Variants in MYT1L observed in about 807,000 individuals in gnomAD.
MYT1L encodes the protein myelin transcription factor 1-like protein.
In MYT1L, 12 loss-of-function variants were observed where a neutral mutation model predicts 126.7. The ratio of observed to expected loss-of-function variants is 0.09; its 90% CI spans 0.06 to 0.15. The LOEUF (loss-of-function observed/expected upper bound fraction) is 0.15, where lower values mean the gene tolerates loss of function less well. MYT1L is among the 10% of genes least tolerant of loss of function. The pLI is 1.00. For missense variants in MYT1L, 979 were observed against 1,585.2 expected, an observed-to-expected ratio of 0.62 and a Z score of 6.49; for synonymous variants, 541 against 604.2, an observed-to-expected ratio of 0.90 and a Z score of 1.53.
At chr2:1,901,398 C>G (rs953750599) in intron 14 of MYT1L, among the ~76,000 whole-genome samples, 1 of 152,172 alleles carries the variant, frequency 6.6e-6, no homozygotes, top group African/African-American at 2.4e-5. Flanking sequence ...TGATCCTTCA[C>G]TTGTAGATGA....
chr2:2,011,440 A>C (rs976518343), intron 4 of MYT1L, among the ~76,000 whole-genome samples: 5 of 151,302 alleles, frequency 3.3e-5, no homozygotes, highest in African/African-American at 9.7e-5. Context: ...AAAAAAAAAA[A>C]CTGTAACTAT....
chr2:2,248,267 T>A (rs775547091), intron 2 of MYT1L, among the ~76,000 whole-genome samples: 1 of 151,978 alleles, frequency 6.6e-6, no homozygotes, highest in African/African-American at 2.4e-5. Context: ...TACCAATAAA[T>A]TGGAAAATCT....
At chr2:2,137,824 C>T (rs1229932727) in intron 3 of MYT1L, among the ~76,000 whole-genome samples, 1 of 152,082 alleles carries the variant, frequency 6.6e-6, no homozygotes, top group Admixed American at 6.6e-5. Context: ...GTAACAAAAG[C>T]CACAATTGAC....
intron 2 of MYT1L, among the ~76,000 whole-genome samples, chr2:2,245,315 T>A (rs2094513613): frequency 6.6e-6 from 1 of 151,942 alleles, no homozygotes; most frequent in Non-Finnish European, 1.5e-5. Flanking sequence ...TGCTGAGCCC[T>A]GTAGAGTCCT....
intron 20 of MYT1L, among the ~76,000 whole-genome samples, chr2:1,840,311 A>C (rs1216240298): frequency 6.6e-6 from 1 of 152,158 alleles, no homozygotes; most frequent in Non-Finnish European, 1.5e-5. Context: ...CTCCAAGCTC[A>C]GTGTCCACTG....
rs201163506 is a variant in MYT1L at position 2,180,738 on chromosome 2, CTG to C, written c.-420-7752_-420-7751del. Reference sequence around the variant, plus strand: ...TGTACCTGTGTGCCTGCATGTGTGCCTGTGTGTGTGCTTGTGCATGTACCTGT... The same window carrying C: ...TGTACCTGTGTGCCTGCATGTGTGCCTGTGTGTGCTTGTGCATGTACCTGT... On this transcript the variant is annotated intron_variant, in intron 2 of 24. Coordinates refer to ENST00000647738, the MANE Select transcript of MYT1L (RefSeq NM_001303052.2). Among the ~76,000 whole-genome samples the C allele has an allele frequency of 3.9e-4, 55 of 142,716 alleles. 1 individual carries two copies. Among genetic ancestry groups the C allele is most frequent in the Admixed American group, 1.2e-3 (17 of 14,066 alleles). The allele number at this position is 142,716 out of a possible 152,430, so 93.6% of individuals were successfully genotyped here. A position where few individuals can be genotyped will look rare whatever the true frequency, so the allele number is the denominator to read the frequency against.
intron 4 of MYT1L, among the ~76,000 whole-genome samples, chr2:2,037,866 A>G (rs1469722797): frequency 6.6e-6 from 1 of 152,272 alleles, no homozygotes; most frequent in African/African-American, 2.4e-5. Context: ...TTCAAAATAT[A>G]CAGTTTTCAA....
intron 3 of MYT1L, among the ~76,000 whole-genome samples, chr2:2,153,493 G>C (rs771871170): frequency 3.3e-5 from 5 of 152,200 alleles, no homozygotes; most frequent in Non-Finnish European, 5.9e-5. Flanking sequence ...AGAATCATGG[G>C]AGGGCTCATG....
chr2:1,929,474 C>T lies in MYT1L; in HGVS notation c.506-6211G>A, dbSNP rs548877906. 1.2e-4 allele frequency among the ~76,000 whole-genome samples: 18 copies of T among 152,288 alleles called. No individual in the cohort carries two copies. The highest frequency in any genetic ancestry group is 4.1e-4 in the African/African-American group (17 of 41,570). ...CAGTGGGATGCACGTGTCTTCCCTG[C>T]CAGGCCGCACTGTCCCTGGCTCCGC... On this transcript the variant is annotated intron_variant, in intron 9 of 24. Transcript: ENST00000647738. This position sits in a 1 kb window ranked among gnomAD's most constrained non-coding sequence, Gnocchi z 4.7.
chr2:2,306,977 A>G (rs1199519955), intron 1 of MYT1L, among the ~76,000 whole-genome samples: 1 of 152,246 alleles, frequency 6.6e-6, no homozygotes, highest in Non-Finnish European at 1.5e-5. Context: ...AGGAACAGAG[A>G]GGGCTATGTG....
intron 2 of MYT1L, among the ~76,000 whole-genome samples, chr2:2,226,331 G>T (rs1031117425): frequency 6.6e-6 from 1 of 150,660 alleles, no homozygotes; most frequent in African/African-American, 2.5e-5. Context: ...AAGCATATTT[G>T]TTCTATAATA....
chr2:2,211,210 T>C (rs1282860880), intron 2 of MYT1L, among the ~76,000 whole-genome samples: 1 of 152,214 alleles, frequency 6.6e-6, no homozygotes, highest in African/African-American at 2.4e-5. Flanking sequence ...AATTTGAAAG[T>C]TTTTAAATCT....
intron 3 of MYT1L, among the ~76,000 whole-genome samples, chr2:2,083,186 G>T (rs1490780046): frequency 2.0e-5 from 3 of 152,214 alleles, no homozygotes; most frequent in Non-Finnish European, 2.9e-5. Context: ...TTGCTTTGAA[G>T]AAATACCTGC....
At chr2:1,972,320 T>C (rs572042101) in intron 8 of MYT1L, among the ~76,000 whole-genome samples, 1 of 151,544 alleles carries the variant, frequency 6.6e-6, no homozygotes, top group East Asian at 1.9e-4. Context: ...TGCAATTAAA[T>C]GTGGAAAATT....
At chr2:2,004,277 T>TCTTTCCTGCAGGCGTA (rs2062839820) in intron 4 of MYT1L, among the ~76,000 whole-genome samples, 1 of 142,202 alleles carries the variant, frequency 7.0e-6, no homozygotes, top group Non-Finnish European at 1.5e-5. Flanking sequence ...CTGCAGGCGT[T>TCTTTCCTGCAGGCGTA]CTTTCCTGCA....
At chr2:1,994,517 G>A (rs531317087) in intron 5 of MYT1L, among the ~76,000 whole-genome samples, 31 of 152,342 alleles carry the variant, frequency 2.0e-4, no homozygotes, top group Non-Finnish European at 3.8e-4. Context: ...GATGCTCAGA[G>A]GTGTCGGCTC....
intron 10 of MYT1L, among the ~76,000 whole-genome samples, chr2:1,919,626 G>A (rs1024434486): frequency 2.6e-5 from 4 of 152,254 alleles, no homozygotes; most frequent in African/African-American, 4.8e-5. Context: ...ATAACAGAGT[G>A]TCTGAAAATA....
chr2:1,808,171 C>T (rs544787553), intron 22 of MYT1L, among the ~76,000 whole-genome samples: 1 of 152,306 alleles, frequency 6.6e-6, no homozygotes, highest in South Asian at 2.1e-4. Context: ...TTCTTCATAG[C>T]AGTGTGAGAA....
At chr2:2,256,108 G>C (rs888626) in intron 2 of MYT1L, among the ~76,000 whole-genome samples, 2,458 of 152,242 alleles carry the variant, frequency 0.016, 64 homozygotes, top group African/African-American at 0.057. Flanking sequence ...CTTCACTCGC[G>C]TCGGGCCAAA....
Sources: gnomAD v4.1 joint callset for allele counts (sites outside exome capture counted in the v4.1 genomes callset) on GRCh38, gnomAD v4.1.1 for gene constraint, Gnocchi (gnomAD v3.1) non-coding constraint, MANE v1.5 for transcripts, NCBI Gene and HGNC (gene_info 2026-07-23, HGNC 2026-07-21) for gene names.